The following USP25 variants were observed in gnomAD, a reference collection of about 807,000 sequenced individuals.
USP25 encodes ubiquitin specific peptidase 25.
In USP25, 85 loss-of-function variants were observed where a neutral mutation model predicts 158.5. The observed-to-expected ratio is 0.54, with a 90% CI of 0.45 to 0.64. USP25 has a LOEUF of 0.64. Ranked by LOEUF, USP25 falls within the 30% of genes least tolerant of loss-of-function variation. USP25 has a pLI of 0.00. For synonymous variants in USP25, 464 were observed against 460.4 expected, an observed-to-expected ratio of 1.01 and a Z score of -0.10; for missense variants, 1,242 against 1,327.3, an observed-to-expected ratio of 0.94 and a Z score of 1.00.
chr21:15,756,953 C>G lies in USP25; in HGVS notation c.46-5938C>G, dbSNP rs1268415217. On this transcript the variant is annotated intron_variant, in intron 1 of 25. Coordinates refer to ENST00000400183, the MANE Select transcript of USP25 (RefSeq NM_001283041.3). ...GATATGGAAGTGGATTGGATGGGAA[C>G]CACCTTGGATTTGGAATTGCTGGTC... is the stretch of plus-strand genomic sequence containing the variant. Among the ~76,000 whole-genome samples the G allele has an allele frequency of 2.0e-5, 3 of 152,248 alleles. No individual in the cohort carries two copies. The East Asian group carries it at 5.8e-4, about 29-fold the overall frequency.
intron 8 of USP25, among the ~76,000 whole-genome samples, chr21:15,810,005 TGAG>T (rs1370145378): frequency 7.9e-5 from 12 of 151,670 alleles, no homozygotes; most frequent in East Asian, 5.9e-4. Flanking sequence ...GAGGGGGAGA[TGAG>T]GAGTTGTTTA....
chr21:15,814,697 G>T (rs1445785258), intron 9 of USP25, among the ~76,000 whole-genome samples: 1 of 152,070 alleles, frequency 6.6e-6, no homozygotes, highest in Non-Finnish European at 1.5e-5. Context: ...TAAGATATCG[G>T]TGGAAGAAAT....
chr21:15,819,396 A>G (rs1412412179), intron 10 of USP25, among the ~76,000 whole-genome samples: 1 of 152,086 alleles, frequency 6.6e-6, no homozygotes, highest in African/African-American at 2.4e-5. Context: ...TTCTTTATCC[A>G]TCTCTGTAGC....
chr21:15,835,833 G>C (rs2038039128), intron 17 of USP25, among the ~76,000 whole-genome samples: 1 of 152,198 alleles, frequency 6.6e-6, no homozygotes, highest in Non-Finnish European at 1.5e-5. Context: ...TAAATTTACA[G>C]AGTGAGATTG....
rs1337038301 is a variant in USP25 at position 15,843,493 on chromosome 21, A to G, written c.2337+953A>G. Among the ~76,000 whole-genome samples, 1 of 152,202 alleles carries G rather than the reference A, an allele frequency of 6.6e-6. No individual in the cohort carries two copies. Among genetic ancestry groups the G allele is most frequent in the Non-Finnish European group, 1.5e-5 (1 of 68,026 alleles). ...ATGGTACTCTGTTAATTTTGTTTTG[A>G]TGAACTAAATAACAATACAAATTAT... is the stretch of plus-strand genomic sequence containing the variant. On this transcript the variant is annotated intron_variant, in intron 18 of 25. Coordinates refer to ENST00000400183, the MANE Select transcript of USP25 (RefSeq NM_001283041.3). The surrounding 1 kb of genome is among the most constrained non-coding windows in gnomAD (Gnocchi z 4.0).
At chr21:15,802,259 A>G (rs1245335668) in intron 6 of USP25, among the ~76,000 whole-genome samples, 1 of 151,622 alleles carries the variant, frequency 6.6e-6, no homozygotes, top group African/African-American at 2.4e-5. Flanking sequence ...AGTGAATGTC[A>G]TCAGAAGGAA....
intron 18 of USP25, among the ~76,000 whole-genome samples, chr21:15,844,629 C>T (rs993269754): frequency 4.6e-5 from 7 of 152,072 alleles, no homozygotes; most frequent in Non-Finnish European, 1.0e-4. Context: ...AGTGTTTAGG[C>T]ACCCTGCTTT....
At chr21:15,841,040 C>T (rs1185064934) in intron 17 of USP25, among the ~76,000 whole-genome samples, 1 of 152,154 alleles carries the variant, frequency 6.6e-6, no homozygotes, top group Non-Finnish European at 1.5e-5. Context: ...CTATTGCAGT[C>T]CAAAATCAGG....
Position 15,870,063 on chromosome 21 carries a change from T to G in USP25, c.2806-5T>G, listed in dbSNP as rs551533967. On this transcript the variant is annotated splice_polypyrimidine_tract_variant and splice_region_variant and intron_variant, in intron 22 of 25. Transcript: ENST00000400183. ...AACATTTTTAATATTTTCTTTCACC[T>G]ACAGGAGTGGCATCAGGATTATAGG... is the stretch of plus-strand genomic sequence containing the variant. 6.3e-7 allele frequency: 1 copy of G among 1,597,834 alleles called. No homozygotes were observed. The highest frequency in any genetic ancestry group is 1.7e-5 in the Admixed American group (1 of 57,842).
chr21:15,863,775 G>A (rs764142666), intron 20 of USP25, among the ~76,000 whole-genome samples: 27 of 151,202 alleles, frequency 1.8e-4, no homozygotes, highest in Non-Finnish European at 3.8e-4. Context: ...CGTGGCTCAC[G>A]CCTGTAATCC....
At chr21:15,822,700 A>G (rs528263706) in intron 10 of USP25, among the ~76,000 whole-genome samples, 1 of 152,096 alleles carries the variant, frequency 6.6e-6, no homozygotes, top group South Asian at 2.1e-4. Flanking sequence ...TCTTAATAAT[A>G]ATTTTATATG....
chr21:15,813,912 T>G (rs895566087), intron 9 of USP25, among the ~76,000 whole-genome samples: 1 of 151,864 alleles, frequency 6.6e-6, no homozygotes, highest in Non-Finnish European at 1.5e-5. Flanking sequence ...TCTGATATAG[T>G]TTGGTCATGT....
At position 15,879,037 on chromosome 21, in the gene USP25, G is replaced by C. The variant is rs2040203219; in HGVS notation, c.*562G>C. 1 of 152,296 alleles carries C rather than the reference G, an allele frequency of 6.6e-6. No homozygotes were observed. Among genetic ancestry groups the C allele is most frequent in the African/African-American group, 2.4e-5 (1 of 41,338 alleles). The allele number at this position is 152,296 out of a possible 1,614,324, so 9.4% of individuals were successfully genotyped here. A position where few individuals can be genotyped will look rare whatever the true frequency, so the allele number is the denominator to read the frequency against. On this transcript the variant is annotated 3_prime_UTR_variant, in exon 26 of 26. Coordinates refer to ENST00000400183, the MANE Select transcript of USP25 (RefSeq NM_001283041.3). ...ATCTTTTAATTCTGCTCTAATGCTA[G>C]CAAATTGGAAAATGTTTAAGTCTTT...
chr21:15,842,326 G>T, intron 17 of USP25, 72 bp from the exon 18 acceptor site: 2 of 1,473,430 alleles, frequency 1.4e-6, no homozygotes, highest in Non-Finnish European at 9.1e-7. Context: ...ACATAGAAAT[G>T]AATAAAAGAT....
At chr21:15,764,992 G>T (rs2033950617) in intron 2 of USP25, among the ~76,000 whole-genome samples, 1 of 151,994 alleles carries the variant, frequency 6.6e-6, no homozygotes, top group African/African-American at 2.4e-5. Flanking sequence ...CAATAATATT[G>T]GATGCTGTCT....
intron 17 of USP25, among the ~76,000 whole-genome samples, chr21:15,840,442 G>A (rs192123636): frequency 1.3e-5 from 2 of 152,066 alleles, no homozygotes; most frequent in Admixed American, 1.3e-4. Context: ...AATGGCACAG[G>A]TTCAATAAAC....
At chr21:15,804,422 TATA>T (rs2036276376) in intron 6 of USP25, among the ~76,000 whole-genome samples, 1 of 151,404 alleles carries the variant, frequency 6.6e-6, no homozygotes, top group African/African-American at 2.4e-5. Flanking sequence ...TTATATTAAA[TATA>T]ATGTTCGATA....
At chr21:15,751,572 G>A (rs75782270) in intron 1 of USP25, among the ~76,000 whole-genome samples, 5,485 of 152,236 alleles carry the variant, frequency 0.036, 316 homozygotes, top group African/African-American at 0.13. Flanking sequence ...CTGATTATTA[G>A]CATCAACAAG....
At chr21:15,785,173 TAATAA>T (rs374299304) in intron 4 of USP25, among the ~76,000 whole-genome samples, 2 of 151,800 alleles carry the variant, frequency 1.3e-5, no homozygotes, top group Admixed American at 6.6e-5. Context: ...CATTATGTAA[TAATAA>T]AATAATCAAT....
Sources: gnomAD v4.1 joint callset for allele counts (sites outside exome capture counted in the v4.1 genomes callset) on GRCh38, gnomAD v4.1.1 for gene constraint, Gnocchi (gnomAD v3.1) non-coding constraint, MANE v1.5 for transcripts, NCBI Gene and HGNC (gene_info 2026-07-23, HGNC 2026-07-21) for gene names.